Variants in DNAH17 observed in about 807,000 individuals in gnomAD.
DNAH17 encodes axonemal beta dynein heavy chain 17.
In DNAH17, 376 loss-of-function variants were observed where a neutral mutation model predicts 485.6. The observed-to-expected ratio is 0.77, with a 90% CI of 0.71 to 0.84. DNAH17 has a LOEUF of 0.84. Ranked by LOEUF, DNAH17 falls within the 40% of genes least tolerant of loss-of-function variation. The pLI, the probability that DNAH17 is intolerant of heterozygous loss-of-function variation, is 0.00. For synonymous variants in DNAH17, 3,031 were observed against 2,405.9 expected, an observed-to-expected ratio of 1.26 and a Z score of -7.60; for missense variants, 6,370 against 5,839.3, an observed-to-expected ratio of 1.09 and a Z score of -2.96.
At chr17:78,514,503 C>CAAAAAA (rs79884057) in intron 26 of DNAH17, among the ~76,000 whole-genome samples, 19 of 112,060 alleles carry the variant, frequency 1.7e-4, no homozygotes, top group East Asian at 8.0e-4. Context: ...GACTCCGTCT[C>CAAAAAA]AAAAAAAAAA....
At chr17:78,531,337 CTTT>C (rs35874440) in intron 20 of DNAH17, among the ~76,000 whole-genome samples, 67 of 122,346 alleles carry the variant, frequency 5.5e-4, no homozygotes, top group African/African-American at 1.6e-3. Flanking sequence ...TAAAGTCTGT[CTTT>C]TTTTTTTTTT....
chr17:78,441,029 A>C (rs1011847000), intron 72 of DNAH17, 22 bp downstream of exon 72: 4 of 1,559,516 alleles, frequency 2.6e-6, no homozygotes, highest in Non-Finnish European at 3.5e-6. Context: ...CTTTGAGAAC[A>C]TCACTTGCCT....
chr17:78,533,143 G>C, intron 19 of DNAH17: 1 of 186,496 alleles, frequency 5.4e-6, no homozygotes, highest in Non-Finnish European at 1.1e-5. Context: ...GTTTGTCTGG[G>C]GAACCCCGAG....
chr17:78,464,337 G>A (rs1407244496), intron 56 of DNAH17, among the ~76,000 whole-genome samples: 1 of 152,176 alleles, frequency 6.6e-6, no homozygotes, highest in Non-Finnish European at 1.5e-5. Context: ...TTGGCTTACT[G>A]AAACTTCCGC....
intron 37 of DNAH17, chr17:78,496,724 T>C (rs1433222050): frequency 1.5e-5 from 2 of 136,966 alleles, no homozygotes; most frequent in Non-Finnish European, 3.0e-5. Context: ...CAGGCTGGAG[T>C]GCAGTGGTGT....
chr17:78,458,481 C>T, intron 62 of DNAH17, 84 bp downstream of exon 62: 1 of 1,213,482 alleles, frequency 8.2e-7, no homozygotes, highest in East Asian at 2.3e-5. Flanking sequence ...GGGCTCCCTC[C>T]TCTTCCTCCC....
At chr17:78,574,228 G>A (rs953728972) in intron 2 of DNAH17, among the ~76,000 whole-genome samples, 30 of 152,192 alleles carry the variant, frequency 2.0e-4, no homozygotes, top group African/African-American at 6.8e-4. Flanking sequence ...GATGGCTCAC[G>A]CCTATAATCC....
chr17:78,523,473 A>G (rs1378517792), intron 25 of DNAH17, among the ~76,000 whole-genome samples: 1 of 152,080 alleles, frequency 6.6e-6, no homozygotes, highest in African/African-American at 2.4e-5. Flanking sequence ...TTTTTATTGT[A>G]TTTTATTTTT....
chr17:78,479,640 A>G lies in DNAH17; in HGVS notation c.7753-8T>C, dbSNP rs1027329938. Reference sequence around the variant, plus strand: ...AAACACGCAGAAATGGCGCTACCCCAAAACAACCAAACACTCCAGTCAGCC... The same window carrying G: ...AAACACGCAGAAATGGCGCTACCCCGAAACAACCAAACACTCCAGTCAGCC... On this transcript the variant is annotated splice_region_variant and splice_polypyrimidine_tract_variant and intron_variant, in intron 49 of 80. Coordinates refer to ENST00000389840, the MANE Select transcript of DNAH17 (RefSeq NM_173628.4). 3.7e-6 allele frequency: 6 copies of G among 1,611,808 alleles called. No homozygotes were observed. The highest frequency in any genetic ancestry group is 5.1e-6 in the Non-Finnish European group (6 of 1,179,556).
At position 78,459,188 on chromosome 17, in the gene DNAH17, G is replaced by A. The variant is rs751429891; in HGVS notation, c.9674C>T (p.Thr3225Met). Residue 3225 changes from threonine to methionine, a missense_variant, in exon 61 of 81, where the codon ACG (threonine) becomes ATG (methionine). By Grantham distance (81) the Thr-to-Met change is moderately conservative (BLOSUM62 -1). Coordinates refer to ENST00000389840, the MANE Select transcript of DNAH17 (RefSeq NM_173628.4). ...GGAGCGGATGAACTCGGGGTCGAAC[G>A]TCGGGTTGCCTTGGTAGGGCCTAGC... Reference protein sequence around the residue: ...KAFKPYQGNPTFDPEFIRSKS... With the variant: ...KAFKPYQGNPMFDPEFIRSKS... 43 of 1,613,758 alleles carry A rather than the reference G, an allele frequency of 2.7e-5. No individual in the cohort carries two copies. In the South Asian group the frequency reaches 3.7e-4, roughly 14 times the overall value.
rs972240243 is a variant in DNAH17, at chr17:78,535,982, A to G, written c.2859+1317T>C. Reference sequence around the variant, plus strand: ...AACACACCACCTCAAACCTCCCTTAAGCGGGGAGCTGAATTTCCCATGACT... The same window carrying G: ...AACACACCACCTCAAACCTCCCTTAGGCGGGGAGCTGAATTTCCCATGACT... On this transcript the variant is annotated intron_variant, in intron 19 of 80. Transcript: ENST00000389840. Among the ~76,000 whole-genome samples, 62 of 152,160 alleles carry G rather than the reference A, an allele frequency of 4.1e-4. 1 individual carries two copies. The highest frequency in any genetic ancestry group is 1.4e-3 in the African/African-American group (58 of 41,512).
chr17:78,425,121 T>G (rs1598428185), intron 80 of DNAH17: 1 of 471,914 alleles, frequency 2.1e-6, no homozygotes, highest in Non-Finnish European at 3.8e-6. Context: ...GTGACTGGGG[T>G]GTTTTTGGTC....
At chr17:78,455,171 A>G (rs2087737188) in intron 63 of DNAH17, among the ~76,000 whole-genome samples, 1 of 151,812 alleles carries the variant, frequency 6.6e-6, no homozygotes, top group Admixed American at 6.6e-5. Flanking sequence ...CAGCCTCCCA[A>G]AGTGCTGGGA....
Position 78,428,720 on chromosome 17 carries a change from G to T in DNAH17, c.12406-13C>A. 1 of 1,612,794 alleles carries T rather than the reference G, an allele frequency of 6.2e-7. No homozygotes were observed. The highest frequency in any genetic ancestry group is 1.7e-5 in the Admixed American group (1 of 59,994). On this transcript the variant is annotated splice_polypyrimidine_tract_variant and intron_variant, in intron 76 of 80. Coordinates refer to ENST00000389840, the MANE Select transcript of DNAH17 (RefSeq NM_173628.4). Reference sequence around the variant, plus strand: ...ATTCGTGGTAACCCTGAAAAAGAGGGCAGTTTGTAAGCAGAGGCAAAGCTG... The same window carrying T: ...ATTCGTGGTAACCCTGAAAAAGAGGTCAGTTTGTAAGCAGAGGCAAAGCTG...
At chr17:78,518,563 C>T (rs692189) in intron 25 of DNAH17, among the ~76,000 whole-genome samples, 73,856 of 151,934 alleles carry the variant, frequency 0.49, 18,423 homozygotes, top group African/African-American at 0.57. Flanking sequence ...GAGATTTCAG[C>T]ACCCCACTCT....
At chr17:78,554,735 C>G (rs916540389) in intron 14 of DNAH17, among the ~76,000 whole-genome samples, 1 of 152,044 alleles carries the variant, frequency 6.6e-6, no homozygotes, top group Admixed American at 6.6e-5. Flanking sequence ...CAGAATAATT[C>G]TTTACATACA....
At chr17:78,561,158 C>G (rs1033824902) in intron 12 of DNAH17, among the ~76,000 whole-genome samples, 3 of 152,146 alleles carry the variant, frequency 2.0e-5, no homozygotes, top group Non-Finnish European at 4.4e-5. Context: ...CAAAATAGAA[C>G]CCACGCAGCA....
intron 44 of DNAH17, among the ~76,000 whole-genome samples, chr17:78,487,287 G>A (rs116684900): frequency 2.6e-5 from 4 of 152,156 alleles, no homozygotes; most frequent in African/African-American, 9.7e-5. Flanking sequence ...ATGTTTCCAT[G>A]ACCCTCATTT....
intron 70 of DNAH17, 73 bp downstream of exon 70, chr17:78,445,485 C>T: frequency 6.6e-7 from 1 of 1,517,170 alleles, no homozygotes; most frequent in South Asian, 1.3e-5. Context: ...GCCTTGGAAA[C>T]ATCCGCAGCA....
Sources: gnomAD v4.1 joint callset for allele counts (sites outside exome capture counted in the v4.1 genomes callset) on GRCh38, gnomAD v4.1.1 for gene constraint, MANE v1.5 for transcripts, NCBI Gene and HGNC (gene_info 2026-07-23, HGNC 2026-07-21) for gene names.